TBC1D22A: variants seen among roughly 807,000 people sequenced by gnomAD.
The protein encoded by TBC1D22A is putative GTPase activator.
A neutral mutation model predicts 60.2 loss-of-function variants in TBC1D22A; 38 were observed. The ratio of observed to expected loss-of-function variants is 0.63; its 90% CI spans 0.49 to 0.83. TBC1D22A has a LOEUF of 0.83. TBC1D22A is among the 40% of genes least tolerant of loss of function. TBC1D22A has a pLI of 0.00. For synonymous variants in TBC1D22A, 302 were observed against 281.7 expected (o/e 1.07, Z -0.72); for missense variants, 628 against 701.0 (o/e 0.90, Z 1.18).
intron 12 of TBC1D22A, among the ~76,000 whole-genome samples, chr22:47,162,595 C>T (rs543117321): frequency 1.3e-5 from 2 of 152,244 alleles, no homozygotes; most frequent in East Asian, 3.9e-4. Flanking sequence ...CAAGATTGTC[C>T]TCCAGGCAGA....
At chr22:46,967,742 C>T (rs558026326) in intron 8 of TBC1D22A, among the ~76,000 whole-genome samples, 33 of 152,270 alleles carry the variant, frequency 2.2e-4, no homozygotes, top group African/African-American at 7.0e-4. Flanking sequence ...GAACTTAACC[C>T]GCATCAAGCC....
chr22:46,932,180 C>T (rs547137223), intron 8 of TBC1D22A, among the ~76,000 whole-genome samples: 142 of 152,302 alleles, frequency 9.3e-4, no homozygotes, highest in African/African-American at 2.9e-3. Context: ...TCAGACACTG[C>T]GCTAAGCAGG....
chr22:46,891,428 G>T, intron 6 of TBC1D22A, 34 bp downstream of exon 6: 1 of 1,575,318 alleles, frequency 6.3e-7, no homozygotes, highest in Non-Finnish European at 8.6e-7. Context: ...TATGTTGCCT[G>T]ATGTACTTTG....
intron 9 of TBC1D22A, among the ~76,000 whole-genome samples, chr22:46,984,469 C>T (rs1309463459): frequency 1.4e-5 from 2 of 146,412 alleles, no homozygotes; most frequent in Admixed American, 6.9e-5. Context: ...GCACTTTTGC[C>T]AGTCTTTTCA....
intron 9 of TBC1D22A, among the ~76,000 whole-genome samples, chr22:46,993,751 AT>A (rs1472793080): frequency 2.0e-5 from 3 of 152,172 alleles, no homozygotes; most frequent in Non-Finnish European, 2.9e-5. Context: ...GCCATGGGAC[AT>A]TCTTTTCTCC....
chr22:46,896,647 A>G (rs2068692519), intron 7 of TBC1D22A, among the ~76,000 whole-genome samples: 1 of 151,630 alleles, frequency 6.6e-6, no homozygotes. Context: ...ATTCATATAG[A>G]TCTGTGTTGT....
intron 12 of TBC1D22A, among the ~76,000 whole-genome samples, chr22:47,164,734 CG>C (rs2039499044): frequency 6.6e-6 from 1 of 152,188 alleles, no homozygotes; most frequent in Non-Finnish European, 1.5e-5. Flanking sequence ...TCACTGGGGT[CG>C]CTCCGCTGGC....
intron 11 of TBC1D22A, among the ~76,000 whole-genome samples, chr22:47,095,620 C>CA (rs2065141328): frequency 1.9e-4 from 22 of 117,100 alleles, no homozygotes; most frequent in Admixed American, 3.0e-4. Flanking sequence ...ATCAGGATTT[C>CA]CCCGTCTCCC....
chr22:46,891,425 C>T (rs759889929), intron 6 of TBC1D22A, 31 bp downstream of exon 6: 35 of 1,576,892 alleles, frequency 2.2e-5, no homozygotes, highest in Non-Finnish European at 3.0e-5. Flanking sequence ...TCGTATGTTG[C>T]CTGATGTACT....
intron 11 of TBC1D22A, among the ~76,000 whole-genome samples, chr22:47,049,981 C>T (rs2063156814): frequency 6.6e-6 from 1 of 152,202 alleles, no homozygotes; most frequent in Non-Finnish European, 1.5e-5. Context: ...GTTGGTTTGC[C>T]CTGCAGCCAG....
chr22:47,030,939 C>G (rs1340175373), intron 10 of TBC1D22A, among the ~76,000 whole-genome samples: 1 of 152,168 alleles, frequency 6.6e-6, no homozygotes, highest in African/African-American at 2.4e-5. Context: ...TGGCCACGCC[C>G]GCACCCTTCA....
intron 4 of TBC1D22A, among the ~76,000 whole-genome samples, chr22:46,865,278 A>G (rs758294084): frequency 2.0e-5 from 3 of 152,100 alleles, no homozygotes; most frequent in Non-Finnish European, 4.4e-5. Context: ...TGACGGGCAG[A>G]TGTTTTATTG....
chr22:46,862,176 G>A lies in TBC1D22A; in HGVS notation c.638-16477G>A, dbSNP rs571449844. 1.1e-3 allele frequency among the ~76,000 whole-genome samples: 168 copies of A among 152,196 alleles called. 1 individual carries two copies. The highest frequency in any genetic ancestry group is 2.0e-3 in the Non-Finnish European group (133 of 68,030). ...AGTGAGTGTGAAGATTGGGTGGAAC[G>A]CGGTATGGAACCTGGCGCACAGTAG... On this transcript the variant is annotated intron_variant, in intron 4 of 12. Transcript: ENST00000337137.
chr22:47,144,591 CAG>C (rs879295235), intron 12 of TBC1D22A, among the ~76,000 whole-genome samples: 10 of 152,378 alleles, frequency 6.6e-5, no homozygotes, highest in Admixed American at 1.3e-4. Flanking sequence ...AGGGCACACT[CAG>C]GGGCTCTCCA....
intron 12 of TBC1D22A, among the ~76,000 whole-genome samples, chr22:47,169,044 C>T (rs1341348346): frequency 6.6e-6 from 1 of 152,122 alleles, no homozygotes; most frequent in Non-Finnish European, 1.5e-5. Flanking sequence ...CAGGAGTGAG[C>T]GGCATGGCGG....
intron 9 of TBC1D22A, among the ~76,000 whole-genome samples, chr22:46,988,195 C>T (rs2074801351): frequency 6.6e-6 from 1 of 152,130 alleles, no homozygotes; most frequent in Non-Finnish European, 1.5e-5. Flanking sequence ...GTTTCTAATT[C>T]TGTTGTCTAT....
Position 47,009,892 on chromosome 22 carries a change from C to T in TBC1D22A, c.1201+12183C>T, listed in dbSNP as rs1049615039. ...CTGCTCCTGAGGCAGCCTCTTCTGT[C>T]CAGCCCCCAGGGAGGTTGGTTGGAG... On this transcript the variant is annotated intron_variant, in intron 10 of 12. Coordinates refer to ENST00000337137, the MANE Select transcript of TBC1D22A (RefSeq NM_014346.5). The surrounding 1 kb of genome is among the most constrained non-coding windows in gnomAD (Gnocchi z 5.8). Among the ~76,000 whole-genome samples the T allele has an allele frequency of 2.4e-4, 36 of 152,348 alleles. No individual in the cohort carries two copies. The highest frequency in any genetic ancestry group is 8.4e-4 in the African/African-American group (35 of 41,584).
At chr22:46,983,962 C>T (rs989493302) in intron 9 of TBC1D22A, among the ~76,000 whole-genome samples, 2 of 151,982 alleles carry the variant, frequency 1.3e-5, no homozygotes, top group Non-Finnish European at 2.9e-5. Flanking sequence ...GCTTCGGGGC[C>T]TGAAGATAAC....
chr22:47,039,881 A>G (rs1010941246), intron 11 of TBC1D22A, among the ~76,000 whole-genome samples: 1 of 146,580 alleles, frequency 6.8e-6, no homozygotes, highest in African/African-American at 2.6e-5. Flanking sequence ...AAGAGGAAGC[A>G]GGCGTGTCTT....
Sources: gnomAD v4.1 joint callset for allele counts (sites outside exome capture counted in the v4.1 genomes callset) on GRCh38, gnomAD v4.1.1 for gene constraint, Gnocchi (gnomAD v3.1) non-coding constraint, MANE v1.5 for transcripts, NCBI Gene and HGNC (gene_info 2026-07-23, HGNC 2026-07-21) for gene names.